Variants in TANC2 observed in about 807,000 individuals in gnomAD.
TANC2 encodes protein TANC2.
A neutral mutation model predicts 210.5 loss-of-function variants in TANC2; 26 were observed. The ratio of observed to expected loss-of-function variants is 0.12; its 90% CI spans 0.09 to 0.17. The LOEUF (loss-of-function observed/expected upper bound fraction) is 0.17, where lower values mean the gene tolerates loss of function less well. Ranked by LOEUF, TANC2 falls within the 10% of genes least tolerant of loss-of-function variation. The pLI, the probability that TANC2 is intolerant of heterozygous loss-of-function variation, is 1.00. For missense variants in TANC2, 2,129 were observed against 2,608.9 expected, an observed-to-expected ratio of 0.82 and a Z score of 4.01; for synonymous variants, 931 against 967.1, an observed-to-expected ratio of 0.96 and a Z score of 0.69.
At chr17:63,361,210 G>T (rs538603921) in intron 14 of TANC2, among the ~76,000 whole-genome samples, 6 of 152,306 alleles carry the variant, frequency 3.9e-5, no homozygotes, top group Non-Finnish European at 8.8e-5. Context: ...TCTTTGGGGT[G>T]TTGCTTTGCC....
rs574794866 is a variant in TANC2, at chr17:63,123,980, C to T, written c.322+24623C>T. Among the ~76,000 whole-genome samples the T allele has an allele frequency of 4.6e-5, 7 of 152,190 alleles. No individual in the cohort carries two copies. The East Asian group carries it at 1.4e-3, about 30-fold the overall frequency. On this transcript the variant is annotated intron_variant, in intron 4 of 27. Transcript: ENST00000689528. ...CCTCCCAAAGTGCTGGGATCACAGG[C>T]ATGAGCCACAGCGCCCGGCCATAAG... is the stretch of plus-strand genomic sequence containing the variant.
At position 63,342,877 on chromosome 17, in the gene TANC2, G is replaced by T. The variant is rs138643361; in HGVS notation, c.1807+2545G>T. 5.4e-3 allele frequency among the ~76,000 whole-genome samples: 823 copies of T among 152,274 alleles called. 10 individuals are homozygous for T. The highest frequency in any genetic ancestry group is 0.019 in the African/African-American group (791 of 41,552). ...ACAAGATATATCTGCCTCTCATTTA[G>T]GTCTCCATAACCAGCTTTAGTGATC... On this transcript the variant is annotated intron_variant, in intron 12 of 27. Transcript: ENST00000689528.
At chr17:63,413,516 A>T in intron 24 of TANC2, 27 bp from the exon 25 acceptor site, 1 of 1,549,682 alleles carries the variant, frequency 6.5e-7, no homozygotes, top group African/African-American at 1.4e-5. Flanking sequence ...TGAGTTTTTT[A>T]CCCATCATGC....
intron 2 of TANC2, among the ~76,000 whole-genome samples, chr17:63,034,542 A>G (rs548577078): frequency 1.3e-5 from 2 of 152,334 alleles, no homozygotes; most frequent in South Asian, 2.1e-4. Flanking sequence ...TATAGCTGCC[A>G]TAGATAGTGA....
chr17:63,167,495 T>C (rs1327269147), intron 5 of TANC2, among the ~76,000 whole-genome samples: 1 of 152,138 alleles, frequency 6.6e-6, no homozygotes, highest in Non-Finnish European at 1.5e-5. Flanking sequence ...GGCTTAATTT[T>C]TGCTTATCTT....
chr17:63,092,977 T>C (rs2037259021), intron 3 of TANC2, among the ~76,000 whole-genome samples: 1 of 152,208 alleles, frequency 6.6e-6, no homozygotes, highest in Non-Finnish European at 1.5e-5. Context: ...TCTTACAGCC[T>C]AACTACTAGT....
At chr17:63,371,495 A>C (rs1212238212) in intron 14 of TANC2, among the ~76,000 whole-genome samples, 1 of 152,020 alleles carries the variant, frequency 6.6e-6, no homozygotes, top group African/African-American at 2.4e-5. Flanking sequence ...AAAGCACCTA[A>C]GTGTTGTTTC....
chr17:63,053,294 C>T (rs1002905071), intron 2 of TANC2, among the ~76,000 whole-genome samples: 12 of 152,330 alleles, frequency 7.9e-5, no homozygotes, highest in Non-Finnish European at 1.6e-4. Context: ...TTAATCCCAT[C>T]GGGTTTCACC....
chr17:63,260,746 A>G (rs1392725735), intron 8 of TANC2, among the ~76,000 whole-genome samples: 1 of 151,942 alleles, frequency 6.6e-6, no homozygotes, highest in Non-Finnish European at 1.5e-5. Flanking sequence ...TGGGTGACAA[A>G]ATGAGACCCT....
chr17:63,109,426 A>G (rs2037949197), intron 4 of TANC2, among the ~76,000 whole-genome samples: 1 of 151,594 alleles, frequency 6.6e-6, no homozygotes, highest in Non-Finnish European at 1.5e-5. Context: ...TAGCAAAACA[A>G]TACACACAAA....
chr17:63,409,468 G>C (rs1352956430), intron 21 of TANC2, among the ~76,000 whole-genome samples: 1 of 152,206 alleles, frequency 6.6e-6, no homozygotes, highest in Non-Finnish European at 1.5e-5. Flanking sequence ...TTATAGGTGT[G>C]AGTTACTGCA....
chr17:63,026,935 A>G (rs1290611894), intron 2 of TANC2, among the ~76,000 whole-genome samples: 3 of 152,122 alleles, frequency 2.0e-5, no homozygotes, highest in Non-Finnish European at 1.5e-5. Flanking sequence ...GCATCCCTCC[A>G]TGTTGGTAAA....
At chr17:63,224,912 A>G (rs779765305) in intron 7 of TANC2, among the ~76,000 whole-genome samples, 5 of 152,232 alleles carry the variant, frequency 3.3e-5, no homozygotes, top group Admixed American at 2.0e-4. Context: ...CTGATTTCCT[A>G]TAGGCCATCA....
chr17:63,070,742 A>G (rs2036367927), intron 2 of TANC2, among the ~76,000 whole-genome samples: 1 of 152,214 alleles, frequency 6.6e-6, no homozygotes, highest in South Asian at 2.1e-4. Flanking sequence ...AGTGTCCATA[A>G]AGAAAATTTT....
intron 8 of TANC2, among the ~76,000 whole-genome samples, chr17:63,242,873 C>A (rs1040762683): frequency 8.6e-5 from 13 of 151,908 alleles, no homozygotes; most frequent in Non-Finnish European, 1.0e-4. Flanking sequence ...TGAAAGAAGC[C>A]AGATTAAAAA....
chr17:63,049,354 G>A (rs1347040911), intron 2 of TANC2, among the ~76,000 whole-genome samples: 1 of 152,182 alleles, frequency 6.6e-6, no homozygotes, highest in Admixed American at 6.6e-5. Context: ...AGTAAAAAAT[G>A]TGTATCTGTG....
chr17:63,356,525 A>G (rs1375157342), intron 14 of TANC2, among the ~76,000 whole-genome samples: 1 of 152,306 alleles, frequency 6.6e-6, no homozygotes, highest in East Asian at 1.9e-4. Flanking sequence ...AGACAACTGT[A>G]CTGTGGGCAT....
At chr17:63,312,569 T>G (rs1377385017) in intron 9 of TANC2, among the ~76,000 whole-genome samples, 1 of 152,116 alleles carries the variant, frequency 6.6e-6, no homozygotes, top group Non-Finnish European at 1.5e-5. Flanking sequence ...CACTGGGGAC[T>G]GCTAGAAGGG....
chr17:63,326,437 C>G (rs1454628647), intron 11 of TANC2, among the ~76,000 whole-genome samples: 3 of 152,136 alleles, frequency 2.0e-5, no homozygotes, highest in East Asian at 3.8e-4. Flanking sequence ...TAGTAACTTT[C>G]TCTTTAACCT....
Sources: allele counts gnomAD v4.1 joint callset (sites outside exome capture counted in the v4.1 genomes callset), GRCh38; gene constraint gnomAD v4.1.1; transcripts MANE v1.5; gene names NCBI Gene and HGNC (gene_info 2026-07-23, HGNC 2026-07-21).